The following C15orf39 variants were observed in gnomAD, a reference collection of about 807,000 sequenced individuals.
The protein encoded by C15orf39 is PRMT2 interacting protein.
In C15orf39, 24 loss-of-function variants were observed where a neutral mutation model predicts 53.9. That is an observed-to-expected ratio of 0.45 (90% CI 0.32 to 0.63). The LOEUF is 0.63. Among genes scored for constraint, C15orf39 ranks in the 20% least tolerant of loss-of-function variants. C15orf39 has a pLI of 0.04. For missense variants in C15orf39, 1,271 were observed against 1,347.9 expected (o/e 0.94, Z 0.89); for synonymous variants, 569 against 576.5 (o/e 0.99, Z 0.19).
Position 75,206,232 on chromosome 15 carries a change from C to G in C15orf39, c.184C>G (p.Gln62Glu). The change falls in exon 2 of 3, where the codon CAG becomes GAG. Residue 62 changes from glutamine to glutamate, a missense_variant. This residue lies in a region of C15orf39 where 994 missense variants were observed against 993.7 expected (regional missense o/e 1.00). Transcript: ENST00000394987. ...AGGTACTCCTAAGGCCGAGTCTGAGCAGTTGGCGTCCTGGACCCCATACCC... is the reference window on the plus strand; with the variant it reads ...AGGTACTCCTAAGGCCGAGTCTGAGGAGTTGGCGTCCTGGACCCCATACCC... ...MAGTPKAESE[Q>E]LASWTPYPPL... The G allele has an allele frequency of 6.2e-7, 1 of 1,614,104 alleles. No homozygotes were observed. Among genetic ancestry groups the G allele is most frequent in the Non-Finnish European group, 8.5e-7 (1 of 1,179,974 alleles).
rs761559968 is a variant in C15orf39, at chr15:75,211,079, G to T, written c.3107G>T (p.Cys1036Phe). 1 of 1,601,230 alleles carries T rather than the reference G, an allele frequency of 6.2e-7. No homozygotes were observed. The highest frequency in any genetic ancestry group is 8.5e-7 in the Non-Finnish European group (1 of 1,179,742). Residue 1036 changes from cysteine to phenylalanine, a missense_variant, in exon 3 of 3, where the codon TGC becomes TTC. Physicochemically the swap from Cys to Phe is radical, Grantham distance 205 (BLOSUM62 -2). Coordinates refer to ENST00000394987, the MANE Select transcript of C15orf39 (RefSeq NM_015492.5). Reference protein sequence around the residue: ...KSSRPDQPSPCPQLLDSQSHH... With the variant: ...KSSRPDQPSPFPQLLDSQSHH... ...TCAAGACCAGACCAGCCCTCACCCT[G>T]CCCACAGCTGCTGGACAGCCAGAGC... is the stretch of plus-strand genomic sequence containing the variant.
At chr15:75,200,890 A>AGCTCCAGCT (rs1173340730), upstream of C15orf39, among the ~76,000 whole-genome samples, 4 of 127,000 alleles carry the variant, frequency 3.1e-5, no homozygotes, top group Non-Finnish European at 6.4e-5. Flanking sequence ...CCTCCTCCTC[A>AGCTCCAGCT]GCTCCAGCTG....
At position 75,208,247 on chromosome 15, in the gene C15orf39, GGCTCCAGCTTCAGCCCGGGATCCA is replaced by G. The variant is rs2070456058; in HGVS notation, c.2209_2232del (p.Ser737_Ala744del). On this transcript the variant is annotated inframe_deletion, in exon 2 of 3. Coordinates refer to ENST00000394987, the MANE Select transcript of C15orf39 (RefSeq NM_015492.5). ...CATCCCCTGCTCCGGCTCGAGCTCA[GGCTCCAGCTTCAGCCCGGGATCCA>G]GCTCCAGCTCCAGCTCCAGTTGCAG... is the stretch of plus-strand genomic sequence containing the variant. 9 of 1,606,286 alleles carry G rather than the reference GGCTCCAGCTTCAGCCCGGGATCCA, an allele frequency of 5.6e-6. No individual in the cohort carries two copies. The East Asian group carries it at 1.8e-4, about 32-fold the overall frequency.
chr15:75,204,491 T>G (rs1377905298), intron 1 of C15orf39, among the ~76,000 whole-genome samples: 4 of 152,094 alleles, frequency 2.6e-5, no homozygotes, highest in African/African-American at 9.7e-5. Flanking sequence ...CTTTTCTTTT[T>G]TTTTGTTTTG....
Position 75,207,633 on chromosome 15 carries a change from T to G in C15orf39, c.1585T>G (p.Ser529Ala). The G allele has an allele frequency of 6.2e-7, 1 of 1,612,232 alleles. No individual in the cohort carries two copies. The highest frequency in any genetic ancestry group is 8.5e-7 in the Non-Finnish European group (1 of 1,179,710). The stretch of plus-strand genomic sequence containing the variant: ...ACCCGAGGCCACAACTGAGCCTGAC[T>G]CTGCCACAGCTGAGCCTGACTCAGC... ...PAPEATTEPD[S>A]ATAEPDSAPA... The change falls in exon 2 of 3, where the codon TCT (serine) becomes GCT (alanine). Residue 529 changes from serine to alanine, a missense_variant. Physicochemically the swap from Ser to Ala is moderately conservative, Grantham distance 99 (BLOSUM62 1). Coordinates refer to ENST00000394987, the MANE Select transcript of C15orf39 (RefSeq NM_015492.5).
chr15:75,200,258 T>C (rs1376872712), upstream of C15orf39, among the ~76,000 whole-genome samples: 1 of 152,220 alleles, frequency 6.6e-6, no homozygotes, highest in African/African-American at 2.4e-5. Context: ...GTGGGGCTGC[T>C]GTCTGTGTGA....
At chr15:75,200,008 C>T (rs1245930624), upstream of C15orf39, among the ~76,000 whole-genome samples, 5 of 152,178 alleles carry the variant, frequency 3.3e-5, no homozygotes, top group African/African-American at 1.2e-4. Context: ...TCAGAGCCTT[C>T]AGGAGCTCAT....
chr15:75,200,883 C>T (rs552663059), upstream of C15orf39, among the ~76,000 whole-genome samples: 2 of 151,316 alleles, frequency 1.3e-5, no homozygotes, highest in Non-Finnish European at 2.9e-5. Context: ...CCCAGCCCCT[C>T]CTCCTCAGCT....
At chr15:75,208,943 G>A (rs1348329401) in intron 2 of C15orf39, 119 bp downstream of exon 2, 1 of 1,445,252 alleles carries the variant, frequency 6.9e-7, no homozygotes, top group African/African-American at 1.4e-5. Context: ...GCCCGGGTAG[G>A]GGGCTTTAGG....
Position 75,206,623 on chromosome 15 carries a change from G to C in C15orf39, c.575G>C (p.Arg192Pro). The change falls in exon 2 of 3, where the codon CGG becomes CCG. Residue 192 changes from arginine (R) to proline (P), a missense_variant. Around this residue, in one of 2 missense-constraint regions of C15orf39, gnomAD observed 994 missense variants for 993.7 expected, o/e 1.00. Transcript: ENST00000394987. ...KGQTLDGTFL[R>P]GVPAEGSSKD... ...CAGACTCTGGATGGCACCTTCTTGC[G>C]GGGGGTGCCAGCTGAGGGGTCCAGT... The C allele has an allele frequency of 4.3e-6, 7 of 1,613,596 alleles. No individual in the cohort carries two copies. In the South Asian group the frequency reaches 4.4e-5, roughly 10 times the overall value.
intron 1 of C15orf39, among the ~76,000 whole-genome samples, chr15:75,203,872 C>A (rs1302800082): frequency 6.6e-6 from 1 of 152,130 alleles, no homozygotes; most frequent in East Asian, 1.9e-4. Flanking sequence ...GGGCTTTCAC[C>A]CCTCGATAGC....
intron 1 of C15orf39, 54 bp from the exon 2 acceptor site, chr15:75,205,945 C>A: frequency 8.1e-7 from 1 of 1,232,496 alleles, no homozygotes; most frequent in Non-Finnish European, 1.1e-6. Flanking sequence ...CCCTCTGTTG[C>A]TTTGCCTGTA....
At chr15:75,199,790 C>G (rs930709994), upstream of C15orf39, among the ~76,000 whole-genome samples, 2 of 152,180 alleles carry the variant, frequency 1.3e-5, no homozygotes, top group East Asian at 3.8e-4. Context: ...TCTGTGTTAA[C>G]TCTACTCGGG....
chr15:75,201,783 A>G (rs2070402673), upstream of C15orf39: 1 of 151,932 alleles, frequency 6.6e-6, no homozygotes, highest in Non-Finnish European at 1.5e-5. The surrounding 1 kb of genome is among the most constrained non-coding windows in gnomAD (Gnocchi z 4.7). Context: ...CCCGCTGCCC[A>G]CAGGAGCGCA....
chr15:75,211,436 C>G lies in C15orf39; in HGVS notation c.*320C>G. 3.2e-6 allele frequency: 1 copy of G among 311,696 alleles called. No individual in the cohort carries two copies. The highest frequency in any genetic ancestry group is 5.9e-6 in the Non-Finnish European group (1 of 170,062). 19.3% of individuals were successfully genotyped at this position (311,696 alleles called of 1,614,324 possible). A position where few individuals can be genotyped will look rare whatever the true frequency, so the allele number is the denominator to read the frequency against. Reference sequence around the variant, plus strand: ...CAAGAAACTTCACCTCTGCTGAGCCCTCATTCCCCATGTGTAAAATGGGAC... The same window carrying G: ...CAAGAAACTTCACCTCTGCTGAGCCGTCATTCCCCATGTGTAAAATGGGAC... On this transcript the variant is annotated 3_prime_UTR_variant, in exon 3 of 3. Transcript: ENST00000394987.
Position 75,208,001 on chromosome 15 carries a change from C to T in C15orf39, c.1953C>T (p.Phe651=). The T allele has an allele frequency of 1.2e-6, 2 of 1,614,054 alleles. No individual in the cohort carries two copies. The highest frequency in any genetic ancestry group is 2.2e-5 in the South Asian group (2 of 91,088). Reference sequence around the variant, plus strand: ...TCCACAGCTCTGTGGCCTTCATGTTCCGAAAGTTCAAGATCCTCCGTCCGG... The same window carrying T: ...TCCACAGCTCTGTGGCCTTCATGTTTCGAAAGTTCAAGATCCTCCGTCCGG... The part of the protein sequence containing the change: ...TNFHSSVAFM[F]RKFKILRPAP... The change falls in exon 2 of 3, where the codon TTC becomes TTT. Residue 651 remains phenylalanine, a synonymous_variant. Transcript: ENST00000394987.
rs557377165 is a variant in C15orf39, at chr15:75,204,394, A to G, written c.-50-1605A>G. On this transcript the variant is annotated intron_variant, in intron 1 of 2. Coordinates refer to ENST00000394987, the MANE Select transcript of C15orf39 (RefSeq NM_015492.5). ...AGAGCTTTGTCTTTTTTCAGCACAT[A>G]GTTTTTCCATCAATACAATGGGAGT... Among the ~76,000 whole-genome samples the G allele has an allele frequency of 3.9e-5, 6 of 152,286 alleles. No homozygotes were observed. The East Asian group carries it at 1.2e-3, about 29-fold the overall frequency.
rs759445772 is a variant in C15orf39, at chr15:75,207,104, A to G, written c.1056A>G (p.Ala352=). ...AYPYPSAPLP[A]PSPGLKLEPP... ...CCTACCCCTCTGCCCCTCTCCCAGC[A>G]CCCTCTCCAGGCCTCAAGCTGGAGC... The change falls in exon 2 of 3, where the codon GCA becomes GCG. Residue 352 remains alanine, a synonymous_variant. Coordinates refer to ENST00000394987, the MANE Select transcript of C15orf39 (RefSeq NM_015492.5). 1 of 1,612,394 alleles carries G rather than the reference A, an allele frequency of 6.2e-7. No individual in the cohort carries two copies. Among genetic ancestry groups the G allele is most frequent in the Admixed American group, 1.7e-5 (1 of 59,926 alleles).
At position 75,202,938 on chromosome 15, in the gene C15orf39, C is replaced by T. The variant is rs570675970; in HGVS notation, c.-51+879C>T. Among the ~76,000 whole-genome samples, 4 of 152,294 alleles carry T rather than the reference C, an allele frequency of 2.6e-5. No homozygotes were observed. The South Asian group carries it at 8.3e-4, about 32-fold the overall frequency. ...AAATCGGCTGTGGGCCCTAGGCACC[C>T]GAGTTATGTTCAGGGCGGGTAGGGG... On this transcript the variant is annotated intron_variant, in intron 1 of 2. Coordinates refer to ENST00000394987, the MANE Select transcript of C15orf39 (RefSeq NM_015492.5).
Sources: allele counts gnomAD v4.1 joint callset (sites outside exome capture counted in the v4.1 genomes callset), GRCh38; gene constraint gnomAD v4.1.1; regional missense constraint gnomAD v4.1.1; non-coding constraint Gnocchi (gnomAD v3.1); transcripts MANE v1.5; gene names NCBI Gene and HGNC (gene_info 2026-07-23, HGNC 2026-07-21).